CAST: variants seen among roughly 807,000 people sequenced by gnomAD.
CAST encodes MIR583 host.
In CAST, 76 loss-of-function variants were observed where a neutral mutation model predicts 119.6. The observed-to-expected ratio is 0.64, with a 90% CI of 0.53 to 0.77. The LOEUF (loss-of-function observed/expected upper bound fraction) is 0.77. CAST is among the 30% of genes least tolerant of loss of function. CAST has a pLI of 0.00. For missense variants in CAST, 953 were observed against 946.5 expected (o/e 1.01, Z -0.09); for synonymous variants, 319 against 331.6 (o/e 0.96, Z 0.41).
chr5:96,168,404 C>T, the CAST span, among the ~76,000 whole-genome samples: 1 of 152,132 alleles, frequency 6.6e-6, no homozygotes. Context: ...CCTCTTTCTG[C>T]CTATACAACA....
chr5:96,529,072 C>T (rs959815420), upstream of CAST, among the ~76,000 whole-genome samples: 8 of 152,310 alleles, frequency 5.3e-5, no homozygotes, highest in Non-Finnish European at 1.0e-4. Context: ...GAGTGAAATA[C>T]AGAGAGCTGT....
At chr5:96,564,713 G>A (rs542851021) in intron 1 of CAST, among the ~76,000 whole-genome samples, 86 of 152,208 alleles carry the variant, frequency 5.7e-4, no homozygotes, top group Non-Finnish European at 1.0e-3. Flanking sequence ...GAGCTCAGAT[G>A]TTCCAGACCA....
At chr5:96,248,850 A>G in the CAST span, among the ~76,000 whole-genome samples, 37 of 152,282 alleles carry the variant, frequency 2.4e-4, no homozygotes, top group South Asian at 2.9e-3. Flanking sequence ...TTGGCTTCTT[A>G]ATTTTGTTGT....
At chr5:96,131,983 G>A in the CAST span, among the ~76,000 whole-genome samples, 2 of 152,082 alleles carry the variant, frequency 1.3e-5, no homozygotes, top group African/African-American at 2.4e-5. Context: ...GAAAGCAAAA[G>A]CCAGAAAATG....
the CAST span, chr5:96,410,837 A>G: frequency 3.1e-6 from 5 of 1,614,158 alleles, no homozygotes; most frequent in Non-Finnish European, 4.2e-6. Flanking sequence ...AGCACTTCTC[A>G]GCGTACCAGG....
At chr5:96,142,507 C>G in the CAST span, among the ~76,000 whole-genome samples, 4 of 152,290 alleles carry the variant, frequency 2.6e-5, no homozygotes, top group Non-Finnish European at 4.4e-5. Context: ...GCAGATTAAG[C>G]AAAAAGATAG....
the CAST span, among the ~76,000 whole-genome samples, chr5:96,262,537 T>C: frequency 6.6e-6 from 1 of 152,114 alleles, no homozygotes; most frequent in African/African-American, 2.4e-5. Flanking sequence ...GTTTTGTTTT[T>C]GTTTTTGTTT....
chr5:96,238,348 TCTTCA>T, the CAST span, among the ~76,000 whole-genome samples: 51 of 40,676 alleles, frequency 1.3e-3, no homozygotes, highest in African/African-American at 3.2e-3. Flanking sequence ...TTCTTCTTCA[TCTTCA>T]TCTTCTTCTT....
the CAST span, among the ~76,000 whole-genome samples, chr5:96,102,720 G>T: frequency 7.4e-6 from 1 of 135,948 alleles, no homozygotes. Context: ...TAGTTTTCTT[G>T]GGGTTTTTTT....
chr5:96,072,377 T>A, the CAST span, among the ~76,000 whole-genome samples: 18 of 152,272 alleles, frequency 1.2e-4, no homozygotes, highest in African/African-American at 4.3e-4. Context: ...CTGGAGAACA[T>A]GAATTTGCAG....
the CAST span, among the ~76,000 whole-genome samples, chr5:96,505,181 C>G: frequency 3.3e-5 from 5 of 152,058 alleles, no homozygotes; most frequent in African/African-American, 4.8e-5. Context: ...AGCTGCCAAA[C>G]TTCAAAATGT....
chr5:96,650,923 G>T (rs1307099303), intron 1 of CAST, among the ~76,000 whole-genome samples: 1 of 152,092 alleles, frequency 6.6e-6, no homozygotes, highest in African/African-American at 2.4e-5. Context: ...AATTGTGTTT[G>T]GAAATTTGCT....
the CAST span, among the ~76,000 whole-genome samples, chr5:96,358,278 C>T: frequency 6.6e-6 from 1 of 152,094 alleles, no homozygotes; most frequent in Non-Finnish European, 1.5e-5. Flanking sequence ...TTTCAAAAAA[C>T]CAGTTCCTGG....
At chr5:95,970,800 C>T in the CAST span, among the ~76,000 whole-genome samples, 1 of 152,148 alleles carries the variant, frequency 6.6e-6, no homozygotes, top group African/African-American at 2.4e-5. Context: ...CTAATCTTTG[C>T]CTTGAATAAA....
the CAST span, among the ~76,000 whole-genome samples, chr5:96,225,660 C>G: frequency 6.6e-6 from 1 of 152,088 alleles, no homozygotes; most frequent in Non-Finnish European, 1.5e-5. Context: ...ATATTTTTCT[C>G]TATCTGAGAT....
intron 3 of CAST, among the ~76,000 whole-genome samples, chr5:96,706,718 C>A (rs1159397900): frequency 1.3e-5 from 2 of 152,194 alleles, no homozygotes; most frequent in African/African-American, 2.4e-5. Context: ...CTCTTCTTCC[C>A]GTGCTTTCCC....
the CAST span, among the ~76,000 whole-genome samples, chr5:96,337,807 A>G: frequency 6.6e-6 from 1 of 152,228 alleles, no homozygotes; most frequent in African/African-American, 2.4e-5. Context: ...CATCAAATCA[A>G]TGGTTTTACT....
At chr5:96,009,213 T>C in the CAST span, among the ~76,000 whole-genome samples, 2 of 152,368 alleles carry the variant, frequency 1.3e-5, no homozygotes, top group African/African-American at 2.4e-5. Flanking sequence ...AATCCACCAC[T>C]GATTAGCATC....
rs1745753532 is a variant in CAST at position 96,534,719 on chromosome 5, G to A, written c.60+4839G>A. On this transcript the variant is annotated intron_variant, in intron 1 of 11. Coordinates refer to the CAST transcript ENST00000505143. ...GGAAGGAAGGAAGGAAGGAAGGAGA[G>A]AGAGAGAGAGAGAGAGAGAGAGAAA... Among the ~76,000 whole-genome samples, 2 of 11,062 alleles carry A rather than the reference G, an allele frequency of 1.8e-4. 1 individual carries two copies. Among genetic ancestry groups the A allele is most frequent in the Admixed American group, 2.0e-3 (2 of 980 alleles). 7.3% of individuals were successfully genotyped at this position (11,062 alleles called of 152,430 possible).
Sources: gnomAD v4.1 joint callset for allele counts (sites outside exome capture counted in the v4.1 genomes callset) on GRCh38, gnomAD v4.1.1 for gene constraint, MANE v1.5 for transcripts, NCBI Gene and HGNC (gene_info 2026-07-23, HGNC 2026-07-21) for gene names.